The following PRKAA2 variants were observed in gnomAD, a reference collection of about 807,000 sequenced individuals.
PRKAA2 encodes protein kinase AMP-activated catalytic subunit alpha 2, also known as 5'-AMP-activated protein kinase catalytic subunit alpha-2.
PRKAA2 carries 40 observed loss-of-function variants against 56.3 expected under a neutral mutation model. The observed-to-expected ratio is 0.71, with a 90% CI of 0.55 to 0.92. The LOEUF is 0.92. PRKAA2 is among the 40% of genes least tolerant of loss of function. The pLI is 0.00. For missense variants in PRKAA2, 542 were observed against 686.9 expected, an observed-to-expected ratio of 0.79 and a Z score of 2.36; for synonymous variants, 214 against 234.2, an observed-to-expected ratio of 0.91 and a Z score of 0.79.
At chr1:56,699,816 T>C (rs566697585) in intron 6 of PRKAA2, among the ~76,000 whole-genome samples, 2 of 152,318 alleles carry the variant, frequency 1.3e-5, no homozygotes, top group East Asian at 3.9e-4. Context: ...TTTGTGCCTG[T>C]TGTGGACATT....
rs1644365512 is a variant in PRKAA2, at chr1:56,710,986, A to C, written c.*3273A>C. ...ACCTTCTCAAATAGAATATGCAGGG[A>C]GGGAAGTAGGCAAACCATTTACAAG... On this transcript the variant is annotated 3_prime_UTR_variant, in exon 9 of 9. Coordinates refer to ENST00000371244, the MANE Select transcript of PRKAA2 (RefSeq NM_006252.4). 6.6e-6 allele frequency: 1 copy of C among 152,086 alleles called. No homozygotes were observed. Among genetic ancestry groups the C allele is most frequent in the African/African-American group, 2.4e-5 (1 of 41,442 alleles). 9.4% of individuals were successfully genotyped at this position (152,086 alleles called of 1,614,324 possible). A position where few individuals can be genotyped will look rare whatever the true frequency, so the allele number is the denominator to read the frequency against.
intron 2 of PRKAA2, among the ~76,000 whole-genome samples, chr1:56,689,326 G>A (rs1232850167): frequency 6.6e-6 from 1 of 152,114 alleles, no homozygotes; most frequent in Admixed American, 6.5e-5. Flanking sequence ...AAGTTCATTT[G>A]AAATAGTCTC....
At chr1:56,670,102 T>G (rs1441145306) in intron 1 of PRKAA2, among the ~76,000 whole-genome samples, 2 of 152,218 alleles carry the variant, frequency 1.3e-5, no homozygotes, top group Non-Finnish European at 2.9e-5. Flanking sequence ...TCTTTAACTT[T>G]TTAATCCAAA....
At chr1:56,664,608 G>A (rs1158277096) in intron 1 of PRKAA2, among the ~76,000 whole-genome samples, 1 of 151,952 alleles carries the variant, frequency 6.6e-6, no homozygotes, top group Non-Finnish European at 1.5e-5. Flanking sequence ...GACTGTTCAG[G>A]ACTCTTAGGA....
Position 56,674,394 on chromosome 1 carries a change from A to G in PRKAA2, c.108A>G (p.Gln36=). The G allele has an allele frequency of 6.4e-7, 1 of 1,560,744 alleles. No individual in the cohort carries two copies. The highest frequency in any genetic ancestry group is 8.6e-7 in the Non-Finnish European group (1 of 1,159,128). ...TFGKVKIGEH[Q]LTGHKVAVKI... Reference sequence around the variant, plus strand: ...TCTTTTCTTTAGTTGGAGAACATCAATTAACAGGCCATAAAGTGGCAGTTA... The same window carrying G: ...TCTTTTCTTTAGTTGGAGAACATCAGTTAACAGGCCATAAAGTGGCAGTTA... The change falls in exon 2 of 9, where the codon CAA becomes CAG. Residue 36 remains glutamine (Q), a synonymous_variant. Transcript: ENST00000371244.
intron 1 of PRKAA2, among the ~76,000 whole-genome samples, chr1:56,667,089 A>G (rs1478258096): frequency 3.9e-5 from 6 of 152,200 alleles, no homozygotes; most frequent in Non-Finnish European, 2.9e-5. Flanking sequence ...TTCATAACAT[A>G]TGGACACTTT....
In PRKAA2 at chr1:56,674,516, T is replaced by C; in HGVS notation, c.230T>C (p.Ile77Thr). The change falls in exon 2 of 9, where the codon ATC becomes ACC. Residue 77 changes from isoleucine to threonine, a missense_variant. By Grantham distance (89) the Ile-to-Thr change is moderately conservative. Around this residue, in one of 5 missense-constraint regions of PRKAA2, gnomAD observed 121 missense variants for 210.0 expected, o/e 0.58. Coordinates refer to ENST00000371244, the MANE Select transcript of PRKAA2 (RefSeq NM_006252.4). ...AAACTCTTTCGTCATCCTCATATTA[T>C]CAAACTGTAAGTATTTTTGTATCTA... ...NLKLFRHPHIIKLYQVISTPT... is the reference protein window; with the variant it reads ...NLKLFRHPHITKLYQVISTPT... 1 of 1,517,708 alleles carries C rather than the reference T, an allele frequency of 6.6e-7. No homozygotes were observed. The highest frequency in any genetic ancestry group is 8.9e-7 in the Non-Finnish European group (1 of 1,123,826). 94.0% of individuals were successfully genotyped at this position (1,517,708 alleles called of 1,614,324 possible). A position where few individuals can be genotyped will look rare whatever the true frequency, so the allele number is the denominator to read the frequency against.
At position 56,708,929 on chromosome 1, in the gene PRKAA2, C is replaced by A. The variant is rs938405797; in HGVS notation, c.*1216C>A. 6.6e-6 allele frequency: 1 copy of A among 151,532 alleles called. No individual in the cohort carries two copies. The highest frequency in any genetic ancestry group is 2.1e-4 in the South Asian group (1 of 4,794). 9.4% of individuals were successfully genotyped at this position (151,532 alleles called of 1,614,324 possible). A position where few individuals can be genotyped will look rare whatever the true frequency, so the allele number is the denominator to read the frequency against. ...ACACACCAGTGCTTTTAAGCAAAAA[C>A]CAGTTTTTTTGTTTGTTTGTTTTGC... is the stretch of plus-strand genomic sequence containing the variant. On this transcript the variant is annotated 3_prime_UTR_variant, in exon 9 of 9. Transcript: ENST00000371244.
intron 1 of PRKAA2, among the ~76,000 whole-genome samples, chr1:56,653,229 C>G (rs999717642): frequency 1.3e-5 from 2 of 150,038 alleles, no homozygotes; most frequent in East Asian, 3.9e-4. Context: ...TAGGTAAATA[C>G]GTGCTATTTA....
chr1:56,713,603 G>C lies in PRKAA2; in HGVS notation c.*5890G>C, dbSNP rs184604636. The C allele has an allele frequency of 1.3e-5, 2 of 152,058 alleles. No individual in the cohort carries two copies. Among genetic ancestry groups the C allele is most frequent in the Non-Finnish European group, 2.9e-5 (2 of 67,962 alleles). The allele number at this position is 152,058 out of a possible 1,614,324, so 9.4% of individuals were successfully genotyped here. A position where few individuals can be genotyped will look rare whatever the true frequency, so the allele number is the denominator to read the frequency against. On this transcript the variant is annotated 3_prime_UTR_variant, in exon 9 of 9. Transcript: ENST00000371244. ...TGAATAATACGTAGAATTTTGACAAGGTTCATACAGTGCATACAGTGTGAC... is the reference window on the plus strand; with the variant it reads ...TGAATAATACGTAGAATTTTGACAACGTTCATACAGTGCATACAGTGTGAC...
intron 1 of PRKAA2, among the ~76,000 whole-genome samples, chr1:56,653,404 A>G (rs551445918): frequency 3.9e-5 from 6 of 152,114 alleles, no homozygotes; most frequent in African/African-American, 1.4e-4. Context: ...AATGGTAGCT[A>G]TTTTCATAGT....
intron 2 of PRKAA2, among the ~76,000 whole-genome samples, chr1:56,686,863 A>T (rs1269449563): frequency 6.8e-6 from 1 of 147,586 alleles, no homozygotes; most frequent in Non-Finnish European, 1.5e-5. Flanking sequence ...TAGCAACATT[A>T]TAGAAACAAC....
intron 1 of PRKAA2, among the ~76,000 whole-genome samples, chr1:56,652,169 C>T (rs994213494): frequency 5.9e-5 from 9 of 151,736 alleles, no homozygotes; most frequent in African/African-American, 1.9e-4. Flanking sequence ...TGCACCACCA[C>T]GCCCTGCTAA....
At chr1:56,691,561 C>T in intron 3 of PRKAA2, 74 bp downstream of exon 3, 1 of 1,166,644 alleles carries the variant, frequency 8.6e-7, no homozygotes, top group Non-Finnish European at 1.2e-6. Context: ...TAGAACAATG[C>T]AAAGATATCT....
chr1:56,705,551 A>G (rs1189138798), intron 7 of PRKAA2, among the ~76,000 whole-genome samples: 1 of 151,928 alleles, frequency 6.6e-6, no homozygotes, highest in South Asian at 2.1e-4. Context: ...GCCTGCCACC[A>G]CACTCGGCTG....
In PRKAA2 at chr1:56,710,523, G is replaced by A. The variant is rs1350432279; in HGVS notation, c.*2810G>A. 2 of 152,058 alleles carry A rather than the reference G, an allele frequency of 1.3e-5. No homozygotes were observed. The highest frequency in any genetic ancestry group is 1.3e-4 in the Admixed American group (2 of 15,252). 9.4% of individuals were successfully genotyped at this position (152,058 alleles called of 1,614,324 possible). On this transcript the variant is annotated 3_prime_UTR_variant, in exon 9 of 9. Transcript: ENST00000371244. Reference sequence around the variant, plus strand: ...GAAATACATTTTTTAGGAAAATACTGTCCCAGAATGCCATAATTAGGGTAG... The same window carrying A: ...GAAATACATTTTTTAGGAAAATACTATCCCAGAATGCCATAATTAGGGTAG...
At chr1:56,663,763 C>T (rs190136581) in intron 1 of PRKAA2, among the ~76,000 whole-genome samples, 7 of 152,124 alleles carry the variant, frequency 4.6e-5, no homozygotes, top group African/African-American at 1.7e-4. Context: ...TTTTTTCTTA[C>T]AAATCTGTGA....
intron 1 of PRKAA2, among the ~76,000 whole-genome samples, chr1:56,663,893 A>G (rs1644013852): frequency 6.6e-6 from 1 of 152,186 alleles, no homozygotes; most frequent in Non-Finnish European, 1.5e-5. Context: ...TGAGCCCAGG[A>G]GTTTGAGACC....
At chr1:56,694,714 C>A (rs1412873959) in intron 5 of PRKAA2, among the ~76,000 whole-genome samples, 1 of 151,964 alleles carries the variant, frequency 6.6e-6, no homozygotes, top group Admixed American at 6.5e-5. Context: ...GAGAACTCTG[C>A]ACTAGTGACC....
Sources: allele counts gnomAD v4.1 joint callset (sites outside exome capture counted in the v4.1 genomes callset), GRCh38; gene constraint gnomAD v4.1.1; regional missense constraint gnomAD v4.1.1; transcripts MANE v1.5; gene names NCBI Gene and HGNC (gene_info 2026-07-23, HGNC 2026-07-21).